Variants in PCDHGA7 observed in about 807,000 individuals in gnomAD.
PCDHGA7 encodes protocadherin gamma-A7.
PCDHGA7 carries 44 observed loss-of-function variants against 58.3 expected under a neutral mutation model. That is an observed-to-expected ratio of 0.75 (90% CI 0.59 to 0.97). The LOEUF (loss-of-function observed/expected upper bound fraction) is 0.97, where lower values mean the gene tolerates loss of function less well. PCDHGA7 is among the 50% of genes least tolerant of loss of function. The pLI, the probability that PCDHGA7 is intolerant of heterozygous loss-of-function variation, is 0.00. For synonymous variants in PCDHGA7, 516 were observed against 504.2 expected (o/e 1.02, Z -0.31); for missense variants, 1,266 against 1,188.7 (o/e 1.06, Z -0.96).
intron 1 of PCDHGA7, chr5:141,399,670 G>A (rs2093861747): frequency 6.2e-7 from 1 of 1,613,610 alleles, no homozygotes; most frequent in Non-Finnish European, 8.5e-7. Flanking sequence ...CGCGCAGCGC[G>A]CCTTTGACTA....
chr5:141,383,860 G>C lies in PCDHGA7; in HGVS notation c.961G>C (p.Ala321Pro), dbSNP rs772168555. Residue 321 changes from alanine to proline, a missense_variant, in exon 1 of 4, where the codon GCT becomes CCT. Coordinates refer to ENST00000518325, the MANE Select transcript of PCDHGA7 (RefSeq NM_018920.4). ...TGCCTTCTATGAAATGGAGGTTCAG[G>C]CTCAAGATGGTCCTGGTAGTCTGAC... ...ETAFYEMEVQ[A>P]QDGPGSLTKA... 6 of 1,613,808 alleles carry C rather than the reference G, an allele frequency of 3.7e-6. No homozygotes were observed. The Admixed American group carries it at 8.3e-5, about 22-fold the overall frequency.
chr5:141,504,755 T>A (rs953075905), intron 2 of PCDHGA7, among the ~76,000 whole-genome samples: 13 of 151,824 alleles, frequency 8.6e-5, no homozygotes, highest in Non-Finnish European at 1.5e-5. Flanking sequence ...ATTTTAGAAA[T>A]TTCTTCTCCC....
Position 141,394,937 on chromosome 5 carries a change from C to T in PCDHGA7, c.2424+9614C>T, listed in dbSNP as rs1224179687. 4.3e-6 allele frequency: 7 copies of T among 1,613,688 alleles called. No individual in the cohort carries two copies. In the East Asian group the frequency reaches 8.9e-5, roughly 21 times the overall value. ...TCTCCTGTGTCTTCCTCGCCTTTGT[C>T]GCTGTGCTTCTGGGGCTCAGGCTGA... On this transcript the variant is annotated intron_variant, in intron 1 of 3. Transcript: ENST00000518325.
In PCDHGA7 at chr5:141,490,540, C is replaced by T; in HGVS notation, c.2425-4267C>T. The T allele has an allele frequency of 6.2e-7, 1 of 1,614,148 alleles. No homozygotes were observed. Among genetic ancestry groups the T allele is most frequent in the Non-Finnish European group, 8.5e-7 (1 of 1,180,024 alleles). ...GGCCAGCGATGCTGGTTCACCTTCC[C>T]TACACAAACATCTCACCATCAGGCT... On this transcript the variant is annotated intron_variant, in intron 1 of 3. Coordinates refer to ENST00000518325, the MANE Select transcript of PCDHGA7 (RefSeq NM_018920.4). This position sits in a 1 kb window ranked among gnomAD's most constrained non-coding sequence, Gnocchi z 5.4.
chr5:141,395,445 T>C (rs1257175969), intron 1 of PCDHGA7: 1 of 655,916 alleles, frequency 1.5e-6, no homozygotes, highest in East Asian at 2.9e-5. Context: ...TTGGAAAAGA[T>C]TGTTCAACCA....
In PCDHGA7 at chr5:141,430,673, C is replaced by T. The variant is rs183365013; in HGVS notation, c.2424+45350C>T. 1.5e-4 allele frequency: 198 copies of T among 1,288,318 alleles called. 2 individuals are homozygous for T. In the African/African-American group the frequency reaches 2.8e-3, roughly 18 times the overall value. The allele number at this position is 1,288,318 out of a possible 1,614,324, so 79.8% of individuals were successfully genotyped here. On this transcript the variant is annotated intron_variant, in intron 1 of 3. Coordinates refer to ENST00000518325, the MANE Select transcript of PCDHGA7 (RefSeq NM_018920.4). Reference sequence around the variant, plus strand: ...AAACAACGGAGGAGCTCTGACTTCCCAACTGTCCCATTCTATGGGCGAAGG... The same window carrying T: ...AAACAACGGAGGAGCTCTGACTTCCTAACTGTCCCATTCTATGGGCGAAGG...
In PCDHGA7 at chr5:141,473,538, T is replaced by C. The variant is rs544537855; in HGVS notation, c.2425-21269T>C. Among the ~76,000 whole-genome samples, 58 of 152,328 alleles carry C rather than the reference T, an allele frequency of 3.8e-4. 1 individual carries two copies. Among genetic ancestry groups the C allele is most frequent in the African/African-American group, 1.3e-3 (55 of 41,576 alleles). Reference sequence around the variant, plus strand: ...AAGGATCCTGGTTTTAACTGGGGCCTAATGGAAGACCTCTATTAGGAAATA... The same window carrying C: ...AAGGATCCTGGTTTTAACTGGGGCCCAATGGAAGACCTCTATTAGGAAATA... On this transcript the variant is annotated intron_variant, in intron 1 of 3. Coordinates refer to ENST00000518325, the MANE Select transcript of PCDHGA7 (RefSeq NM_018920.4).
rs545232987 is a variant in PCDHGA7 at position 141,484,750 on chromosome 5, G to GTA, written c.2425-10043_2425-10042dup. 2.3e-3 allele frequency among the ~76,000 whole-genome samples: 340 copies of GTA among 149,860 alleles called. 1 individual carries two copies. Among genetic ancestry groups the GTA allele is most frequent in the South Asian group, 1.0e-2 (47 of 4,704 alleles). On this transcript the variant is annotated intron_variant, in intron 1 of 3. Coordinates refer to ENST00000518325, the MANE Select transcript of PCDHGA7 (RefSeq NM_018920.4). ...CAGTCGGTGTGTTAGGAAAAAAAAT[G>GTA]TATATATATATATATGTTGTCTGCC...
At chr5:141,469,833 TTA>T (rs1343669772) in intron 1 of PCDHGA7, among the ~76,000 whole-genome samples, 2 of 152,054 alleles carry the variant, frequency 1.3e-5, no homozygotes, top group Non-Finnish European at 2.9e-5. Flanking sequence ...CACATAAAAC[TTA>T]TTCTTAAGAT....
chr5:141,408,133 T>A, intron 1 of PCDHGA7: 5 of 1,483,848 alleles, frequency 3.4e-6, no homozygotes, highest in Non-Finnish European at 4.5e-6. Context: ...GGCCGAATGC[T>A]CTTTTAGCGC....
At chr5:141,415,282 G>A in intron 1 of PCDHGA7, 1 of 1,614,224 alleles carries the variant, frequency 6.2e-7, no homozygotes, top group Non-Finnish European at 8.5e-7. Flanking sequence ...AGCGGTGGCC[G>A]CGGTCTCCTG....
At chr5:141,409,618 G>T (rs374484255) in intron 1 of PCDHGA7, 77 of 1,613,776 alleles carry the variant, frequency 4.8e-5, no homozygotes, top group Non-Finnish European at 6.3e-5. Context: ...CCTCCATTGC[G>T]CAAGTGAGCG....
chr5:141,403,663 T>C (rs2094439679), intron 1 of PCDHGA7: 3 of 1,613,900 alleles, frequency 1.9e-6, no homozygotes, highest in African/African-American at 1.3e-5. Flanking sequence ...ATACAAATGA[T>C]AATGCCCCGG....
intron 1 of PCDHGA7, chr5:141,399,393 C>A: frequency 6.2e-7 from 1 of 1,613,976 alleles, no homozygotes; most frequent in Non-Finnish European, 8.5e-7. Flanking sequence ...CAGCCACAGA[C>A]AGGGGCAAGC....
intron 3 of PCDHGA7, 152 bp from the exon 4 acceptor site, chr5:141,510,795 G>C (rs994874330): frequency 9.3e-5 from 136 of 1,465,100 alleles, no homozygotes; most frequent in Admixed American, 1.7e-4. Flanking sequence ...CTTGTGAAGA[G>C]AGACTACCTT....
At chr5:141,397,960 A>C in intron 1 of PCDHGA7, 2 of 1,021,904 alleles carry the variant, frequency 2.0e-6, no homozygotes, top group East Asian at 2.6e-5. Context: ...GCCCCAGCTC[A>C]GACTCCCCAG....
At chr5:141,388,676 G>A in intron 1 of PCDHGA7, 7 of 1,613,946 alleles carry the variant, frequency 4.3e-6, no homozygotes, top group East Asian at 2.2e-5. Flanking sequence ...TGCTACAGGT[G>A]ACTGCCACGG....
intron 1 of PCDHGA7, among the ~76,000 whole-genome samples, chr5:141,481,790 A>C (rs2154579313): frequency 6.6e-6 from 1 of 152,222 alleles, no homozygotes; most frequent in East Asian, 1.9e-4. Flanking sequence ...CGTCTCTACT[A>C]AAAATACAAA....
chr5:141,402,098 C>G (rs2094224797), intron 1 of PCDHGA7, among the ~76,000 whole-genome samples: 1 of 152,048 alleles, frequency 6.6e-6, no homozygotes, highest in Non-Finnish European at 1.5e-5. Context: ...AAAGTTTAAG[C>G]AATTACAAAA....
Sources: gnomAD v4.1 joint callset for allele counts (sites outside exome capture counted in the v4.1 genomes callset) on GRCh38, gnomAD v4.1.1 for gene constraint, Gnocchi (gnomAD v3.1) non-coding constraint, MANE v1.5 for transcripts, NCBI Gene and HGNC (gene_info 2026-07-23, HGNC 2026-07-21) for gene names.